RAPGEF5: variants seen among roughly 807,000 people sequenced by gnomAD.
RAPGEF5 encodes the protein Rap guanine nucleotide exchange factor 5.
In RAPGEF5, 65 loss-of-function variants were observed where a neutral mutation model predicts 125.2. That is an observed-to-expected ratio of 0.52 (90% CI 0.43 to 0.64). RAPGEF5 has a LOEUF of 0.64. RAPGEF5 is among the 30% of genes least tolerant of loss of function. The pLI is 0.00. For missense variants in RAPGEF5, 958 were observed against 1,048.1 expected (o/e 0.91, Z 1.19); for synonymous variants, 391 against 385.9 (o/e 1.01, Z -0.16).
At chr7:22,291,109 C>A in intron 6 of RAPGEF5, 66 bp downstream of exon 6, 1 of 1,489,516 alleles carries the variant, frequency 6.7e-7, no homozygotes. Context: ...ACCCAAAGAA[C>A]TTCCCTTCTA....
At chr7:22,127,395 T>G (rs1203143439) in intron 24 of RAPGEF5, among the ~76,000 whole-genome samples, 2 of 152,208 alleles carry the variant, frequency 1.3e-5, no homozygotes, top group Admixed American at 6.5e-5. Flanking sequence ...CATCTTATAC[T>G]TTTGTACTTG....
chr7:22,230,370 C>T (rs1294190106), intron 8 of RAPGEF5, among the ~76,000 whole-genome samples: 1 of 152,208 alleles, frequency 6.6e-6, no homozygotes, highest in Non-Finnish European at 1.5e-5. Flanking sequence ...TAGGCTAAGT[C>T]AGAATTTTAA....
intron 8 of RAPGEF5, among the ~76,000 whole-genome samples, chr7:22,227,885 A>G (rs905297490): frequency 6.6e-6 from 1 of 152,252 alleles, no homozygotes; most frequent in Non-Finnish European, 1.5e-5. Context: ...AGATCTCATT[A>G]GAATTCTTAA....
chr7:22,335,430 C>T (rs149408305), intron 1 of RAPGEF5, among the ~76,000 whole-genome samples: 1 of 152,256 alleles, frequency 6.6e-6, no homozygotes, highest in African/African-American at 2.4e-5. Context: ...CCTCTCTTCC[C>T]ACAAGAGCTA....
At chr7:22,325,426 C>T (rs12669601) in intron 1 of RAPGEF5, among the ~76,000 whole-genome samples, 24,225 of 152,182 alleles carry the variant, frequency 0.16, 2,113 homozygotes, top group Non-Finnish European at 0.2. Flanking sequence ...ATCGCCACCA[C>T]TGCCCCACTC....
chr7:22,322,517 T>C (rs568321566), intron 1 of RAPGEF5, among the ~76,000 whole-genome samples: 49 of 152,268 alleles, frequency 3.2e-4, no homozygotes, highest in African/African-American at 1.2e-3. Flanking sequence ...TTATAATTAA[T>C]CCTATTTTGT....
chr7:22,355,060 T>C (rs530659611), intron 1 of RAPGEF5, among the ~76,000 whole-genome samples: 63 of 152,276 alleles, frequency 4.1e-4, no homozygotes, highest in African/African-American at 1.5e-3. Flanking sequence ...AGTCAAAAAG[T>C]ATGGGTTTCC....
intron 7 of RAPGEF5, among the ~76,000 whole-genome samples, chr7:22,236,913 C>T (rs1583505389): frequency 6.6e-6 from 1 of 152,354 alleles, no homozygotes; most frequent in South Asian, 2.1e-4. Context: ...GTGATCCCCA[C>T]TCTATTGAAC....
chr7:22,279,346 A>T (rs1293633761), intron 6 of RAPGEF5, among the ~76,000 whole-genome samples: 1 of 152,136 alleles, frequency 6.6e-6, no homozygotes, highest in African/African-American at 2.4e-5. Flanking sequence ...TCCAAACTCA[A>T]ATTAAATTAA....
intron 2 of RAPGEF5, among the ~76,000 whole-genome samples, chr7:22,316,479 A>AT (rs1783597251): frequency 3.2e-5 from 3 of 92,818 alleles, no homozygotes; most frequent in Non-Finnish European, 4.0e-5. Context: ...ATATATATAT[A>AT]TATATATATA....
intron 8 of RAPGEF5, among the ~76,000 whole-genome samples, chr7:22,221,698 C>A (rs768410542): frequency 1.3e-5 from 2 of 152,124 alleles, no homozygotes; most frequent in Admixed American, 6.5e-5. Context: ...GTAAGACATG[C>A]CTTTGCTCTT....
chr7:22,250,345 T>C (rs921688520), intron 7 of RAPGEF5, among the ~76,000 whole-genome samples: 1 of 152,248 alleles, frequency 6.6e-6, no homozygotes, highest in Non-Finnish European at 1.5e-5. Context: ...GTGTTAAGTA[T>C]TTTTTATTAC....
intron 11 of RAPGEF5, among the ~76,000 whole-genome samples, chr7:22,189,882 A>G (rs1784938029): frequency 6.6e-6 from 1 of 152,352 alleles, no homozygotes; most frequent in South Asian, 2.1e-4. Flanking sequence ...AGCTTGTCAC[A>G]GATGAATGAA....
At chr7:22,141,383 T>C (rs1339452089) in intron 20 of RAPGEF5, among the ~76,000 whole-genome samples, 1 of 152,210 alleles carries the variant, frequency 6.6e-6, no homozygotes, top group Non-Finnish European at 1.5e-5. Context: ...GCTATACTGA[T>C]TCCCAGCTGC....
intron 23 of RAPGEF5, among the ~76,000 whole-genome samples, chr7:22,134,001 G>T (rs1371314124): frequency 6.6e-6 from 1 of 152,092 alleles, no homozygotes; most frequent in African/African-American, 2.4e-5. Flanking sequence ...GTTCAATTTG[G>T]TCCCATTTTT....
chr7:22,202,481 T>A (rs555911508), intron 9 of RAPGEF5, among the ~76,000 whole-genome samples: 1 of 152,248 alleles, frequency 6.6e-6, no homozygotes, highest in South Asian at 2.1e-4. Context: ...GTATTATGCA[T>A]CTTCTGGGAC....
intron 7 of RAPGEF5, among the ~76,000 whole-genome samples, chr7:22,262,468 A>G (rs1782180268): frequency 6.6e-6 from 1 of 152,216 alleles, no homozygotes; most frequent in Non-Finnish European, 1.5e-5. Flanking sequence ...GAGCACTTAC[A>G]CATGGCTAGT....
chr7:22,314,994 C>G (rs1481155136), intron 3 of RAPGEF5, among the ~76,000 whole-genome samples: 1 of 152,054 alleles, frequency 6.6e-6, no homozygotes, highest in East Asian at 1.9e-4. Flanking sequence ...TGTCTCTGCC[C>G]AAGACATCCT....
chr7:22,145,303 A>C, intron 19 of RAPGEF5, 81 bp from the exon 20 acceptor site: 1 of 1,353,528 alleles, frequency 7.4e-7, no homozygotes, highest in Non-Finnish European at 1.0e-6. Context: ...TTTAAGAGCT[A>C]CTTCAGGTAG....
Sources: allele counts gnomAD v4.1 joint callset (sites outside exome capture counted in the v4.1 genomes callset), GRCh38; gene constraint gnomAD v4.1.1; transcripts MANE v1.5; gene names NCBI Gene and HGNC (gene_info 2026-07-23, HGNC 2026-07-21).